CTDP1: variants seen among roughly 807,000 people sequenced by gnomAD.
CTDP1 encodes CTD phosphatase 1, also known as RNA polymerase II subunit A C-terminal domain phosphatase.
In CTDP1, 47 loss-of-function variants were observed where a neutral mutation model predicts 91.8. The observed-to-expected ratio is 0.51, with a 90% confidence interval of 0.41 to 0.65. The LOEUF is 0.65. Among genes scored for constraint, CTDP1 ranks in the 30% least tolerant of loss-of-function variants. The pLI is 0.00. For synonymous variants in CTDP1, 656 were observed against 598.5 expected, an observed-to-expected ratio of 1.10 and a Z score of -1.40; for missense variants, 1,272 against 1,373.7, an observed-to-expected ratio of 0.93 and a Z score of 1.17.
intron 5 of CTDP1, among the ~76,000 whole-genome samples, chr18:79,706,208 G>A (rs981625275): frequency 1.3e-5 from 2 of 152,326 alleles, no homozygotes; most frequent in Middle Eastern, 6.8e-3. Context: ...TGCTGGCGCC[G>A]TGGTCGGACG....
At chr18:79,753,380 G>T (rs570736012) in intron 12 of CTDP1, among the ~76,000 whole-genome samples, 27 of 152,336 alleles carry the variant, frequency 1.8e-4, no homozygotes, top group African/African-American at 6.5e-4. Flanking sequence ...TTCATGAGCG[G>T]CCGGAACGTG....
Position 79,717,839 on chromosome 18 carries a change from G to T in CTDP1, c.2240G>T (p.Arg747Leu), listed in dbSNP as rs200603501. ...AACAGCCCTGCGGCCTTTCCCGACCGGGAGGGTGTGCCCCCCACCGCCTTG... is the reference window on the plus strand; with the variant it reads ...AACAGCCCTGCGGCCTTTCCCGACCTGGAGGGTGTGCCCCCCACCGCCTTG... ...RENSPAAFPD[R>L]EGVPPTALFH... The change falls in exon 10 of 13, where the codon CGG becomes CTG. Residue 747 changes from arginine to leucine, a missense_variant. By Grantham distance (102) the Arg-to-Leu change is moderately radical (BLOSUM62 -2). This residue lies in a region of CTDP1 where 881 missense variants were observed against 911.6 expected (regional missense o/e 0.97). Transcript: ENST00000613122. The T allele has an allele frequency of 1.9e-6, 3 of 1,613,630 alleles. No individual in the cohort carries two copies. Among genetic ancestry groups the T allele is most frequent in the Non-Finnish European group, 2.5e-6 (3 of 1,179,990 alleles).
intron 4 of CTDP1, 96 bp downstream of exon 4, chr18:79,698,084 CCGTAG>C: frequency 6.5e-7 from 1 of 1,529,916 alleles, no homozygotes; most frequent in Non-Finnish European, 8.9e-7. Context: ...AGATGATTTC[CCGTAG>C]GTCAGCCTGG....
chr18:79,714,967 C>T lies in CTDP1; in HGVS notation c.1507C>T (p.Leu503=), dbSNP rs750683288. The change falls in exon 8 of 13, where the codon CTG becomes TTG. Residue 503 remains leucine, a synonymous_variant. Coordinates refer to ENST00000613122, the MANE Select transcript of CTDP1 (RefSeq NM_004715.5). ...GAGALAQGSS[L]EPGRPAAPSL... ...CGGGGCGCTGGCACAGGGCAGTTCC[C>T]TGGAGCCGGGGCGGCCTGCAGCACC... 2 of 1,568,462 alleles carry T rather than the reference C, an allele frequency of 1.3e-6. No individual in the cohort carries two copies. Among genetic ancestry groups the T allele is most frequent in the Non-Finnish European group, 1.7e-6 (2 of 1,157,390 alleles).
At chr18:79,685,895 A>G (rs1056168914) in intron 1 of CTDP1, among the ~76,000 whole-genome samples, 1 of 152,196 alleles carries the variant, frequency 6.6e-6, no homozygotes, top group Admixed American at 6.5e-5. Context: ...ATTATTTAGA[A>G]TACTTTTATT....
At chr18:79,735,264 G>A (rs1469009419) in intron 11 of CTDP1, among the ~76,000 whole-genome samples, 1 of 152,160 alleles carries the variant, frequency 6.6e-6, no homozygotes, top group Non-Finnish European at 1.5e-5. Context: ...GCCCCTCAAG[G>A]CCCCAGCCAG....
chr18:79,684,985 G>A, intron 1 of CTDP1, among the ~76,000 whole-genome samples: 1 of 151,614 alleles, frequency 6.6e-6, no homozygotes, highest in African/African-American at 2.4e-5. Flanking sequence ...TCCTTACGGG[G>A]TGTGAGGTCC....
At chr18:79,721,692 G>A (rs896290618) in intron 10 of CTDP1, among the ~76,000 whole-genome samples, 2 of 152,142 alleles carry the variant, frequency 1.3e-5, no homozygotes, top group Non-Finnish European at 2.9e-5. Flanking sequence ...GTTCAAGGCT[G>A]CAGTGAGCTG....
chr18:79,740,255 G>A (rs1021170893), intron 12 of CTDP1, among the ~76,000 whole-genome samples: 1 of 152,186 alleles, frequency 6.6e-6, no homozygotes, highest in Non-Finnish European at 1.5e-5. Flanking sequence ...TTTGCGGATC[G>A]CTGTGGACGT....
At chr18:79,678,904 C>G (rs950501490), upstream of CTDP1, 1 of 180,622 alleles carries the variant, frequency 5.5e-6, no homozygotes, top group Non-Finnish European at 1.2e-5. Flanking sequence ...GTCTCCAACT[C>G]CCAGGCTCAG....
chr18:79,735,925 G>T (rs1404468139), intron 11 of CTDP1: 4 of 209,734 alleles, frequency 1.9e-5, no homozygotes, highest in South Asian at 7.6e-5. Context: ...CCACCCCCAG[G>T]TGGCTGCTCT....
chr18:79,747,795 C>T (rs780000420), intron 12 of CTDP1, among the ~76,000 whole-genome samples: 3 of 152,124 alleles, frequency 2.0e-5, no homozygotes, highest in African/African-American at 7.2e-5. Flanking sequence ...TTTGTTCCCG[C>T]GGCCACGCTG....
chr18:79,717,814 A>AAC lies in CTDP1; in HGVS notation c.2217_2218dup (p.Ser740ThrfsTer116). ...CTCGTTCTCTTCCTCCGACAGGGAG[A>AAC]ACAGCCCTGCGGCCTTTCCCGACCG... is the stretch of plus-strand genomic sequence containing the variant. On this transcript the variant is annotated frameshift_variant, in exon 10 of 13. Transcript: ENST00000613122. LOFTEE classifies it high-confidence loss of function. 1 of 1,613,734 alleles carries AAC rather than the reference A, an allele frequency of 6.2e-7. No homozygotes were observed. Among genetic ancestry groups the AAC allele is most frequent in the Non-Finnish European group, 8.5e-7 (1 of 1,179,986 alleles).
intron 12 of CTDP1, among the ~76,000 whole-genome samples, chr18:79,753,411 C>G (rs984048224): frequency 1.3e-4 from 20 of 152,236 alleles, no homozygotes; most frequent in Admixed American, 9.8e-4. Flanking sequence ...AGGTGAACAC[C>G]TGCTTTGTCA....
chr18:79,749,300 C>T (rs1013053176), intron 12 of CTDP1, among the ~76,000 whole-genome samples: 4 of 152,100 alleles, frequency 2.6e-5, no homozygotes, highest in East Asian at 1.9e-4. Flanking sequence ...TCGTCTGCCC[C>T]GTCTTCACTT....
At chr18:79,750,668 CTT>C (rs749153854) in intron 12 of CTDP1, among the ~76,000 whole-genome samples, 44 of 94,214 alleles carry the variant, frequency 4.7e-4, no homozygotes, top group African/African-American at 9.1e-4. Context: ...TAATTTTTTG[CTT>C]TTTTTTTTTT....
At chr18:79,743,835 T>C (rs1255804096) in intron 12 of CTDP1, among the ~76,000 whole-genome samples, 1 of 152,080 alleles carries the variant, frequency 6.6e-6, no homozygotes, top group Non-Finnish European at 1.5e-5. Context: ...ATCATACAAG[T>C]GTGAAAGGAG....
chr18:79,746,991 G>A (rs568467774), intron 12 of CTDP1, among the ~76,000 whole-genome samples: 2 of 152,310 alleles, frequency 1.3e-5, no homozygotes, highest in East Asian at 1.9e-4. Context: ...GCTCCTGGTC[G>A]CGTGACTTGA....
chr18:79,688,172 A>C (rs1264832542), intron 1 of CTDP1, among the ~76,000 whole-genome samples: 3 of 152,268 alleles, frequency 2.0e-5, no homozygotes, highest in African/African-American at 7.2e-5. Flanking sequence ...CGTCAGCCAC[A>C]GCTGACGACT....
Sources: gnomAD v4.1 joint callset for allele counts (sites outside exome capture counted in the v4.1 genomes callset) on GRCh38, gnomAD v4.1.1 for gene constraint, gnomAD v4.1.1 regional missense constraint, MANE v1.5 for transcripts, NCBI Gene and HGNC (gene_info 2026-07-23, HGNC 2026-07-21) for gene names.